GNA14: variants seen among roughly 807,000 people sequenced by gnomAD.
GNA14 encodes guanine nucleotide-binding protein subunit alpha-14.
In GNA14, 50 loss-of-function variants were observed where a neutral mutation model predicts 42.0. The ratio of observed to expected loss-of-function variants is 1.19; its 90% CI spans 0.95 to 1.51. The LOEUF is 1.51. Among genes scored for constraint, GNA14 ranks in the 40% most tolerant of loss-of-function variants. The pLI is 0.00. For synonymous variants in GNA14, 173 were observed against 163.1 expected (o/e 1.06, Z -0.46); for missense variants, 473 against 446.2 (o/e 1.06, Z -0.54).
chr9:77,568,882 G>A (rs1020903593), intron 1 of GNA14, among the ~76,000 whole-genome samples: 1 of 152,190 alleles, frequency 6.6e-6, no homozygotes, highest in Admixed American at 6.5e-5. Context: ...AGACAGTAAA[G>A]TCGCACTTCA....
intron 1 of GNA14, among the ~76,000 whole-genome samples, chr9:77,548,431 CA>C (rs1419649921): frequency 2.0e-5 from 3 of 152,132 alleles, no homozygotes; most frequent in Non-Finnish European, 2.9e-5. Flanking sequence ...TCACAGGTTC[CA>C]AATTCATCAC....
At chr9:77,455,298 A>T (rs913650175) in intron 2 of GNA14, among the ~76,000 whole-genome samples, 4 of 151,560 alleles carry the variant, frequency 2.6e-5, no homozygotes, top group African/African-American at 4.9e-5. Flanking sequence ...GCTAGCAGAG[A>T]CTCTCCTTGA....
In GNA14 at chr9:77,602,356, T is replaced by C. The variant is rs1351934098; in HGVS notation, c.124+45314A>G. Among the ~76,000 whole-genome samples, 3 of 152,198 alleles carry C rather than the reference T, an allele frequency of 2.0e-5. No individual in the cohort carries two copies. The East Asian group carries it at 5.8e-4, about 29-fold the overall frequency. The stretch of plus-strand genomic sequence containing the variant: ...CCAAGACGAACAAAACAAATAGTAA[T>C]AACTTGTTCACCATTTTCTGACCGC... On this transcript the variant is annotated intron_variant, in intron 1 of 6. Coordinates refer to ENST00000341700, the MANE Select transcript of GNA14 (RefSeq NM_004297.4).
intron 1 of GNA14, among the ~76,000 whole-genome samples, chr9:77,571,382 T>C (rs1181512565): frequency 6.6e-6 from 1 of 152,108 alleles, no homozygotes; most frequent in Non-Finnish European, 1.5e-5. Flanking sequence ...AAGAGGGTCT[T>C]ATTTGTAGTG....
intron 1 of GNA14, among the ~76,000 whole-genome samples, chr9:77,532,288 T>C (rs1305660323): frequency 6.6e-6 from 1 of 152,190 alleles, no homozygotes; most frequent in South Asian, 2.1e-4. Flanking sequence ...ACTGCTTATT[T>C]CCCCCAAGTA....
At chr9:77,577,055 AAC>A (rs1233149532) in intron 1 of GNA14, among the ~76,000 whole-genome samples, 1 of 152,194 alleles carries the variant, frequency 6.6e-6, no homozygotes, top group Non-Finnish European at 1.5e-5. Flanking sequence ...CACCCTTTGA[AAC>A]AGTTATACTC....
intron 1 of GNA14, among the ~76,000 whole-genome samples, chr9:77,536,231 A>C (rs908102684): frequency 2.0e-5 from 3 of 152,234 alleles, no homozygotes; most frequent in African/African-American, 7.2e-5. Flanking sequence ...TTTCAAAATA[A>C]AAAAGGAGAG....
intron 1 of GNA14, among the ~76,000 whole-genome samples, chr9:77,633,088 A>G (rs1824124431): frequency 6.6e-6 from 1 of 152,182 alleles, no homozygotes; most frequent in African/African-American, 2.4e-5. Context: ...TCATGTTACA[A>G]TAGTCTCTAC....
chr9:77,555,617 T>C (rs1348973382), intron 1 of GNA14, among the ~76,000 whole-genome samples: 1 of 152,150 alleles, frequency 6.6e-6, no homozygotes, highest in Non-Finnish European at 1.5e-5. Flanking sequence ...AGCAGATGAT[T>C]GTTGTGTTCT....
At chr9:77,567,791 C>T (rs1428717864) in intron 1 of GNA14, among the ~76,000 whole-genome samples, 4 of 152,150 alleles carry the variant, frequency 2.6e-5, no homozygotes, top group African/African-American at 9.7e-5. Flanking sequence ...CGCTTGAGCC[C>T]AGGAGGCGGA....
intron 1 of GNA14, among the ~76,000 whole-genome samples, chr9:77,643,521 G>A (rs1156620189): frequency 6.6e-6 from 1 of 152,144 alleles, no homozygotes; most frequent in East Asian, 1.9e-4. Flanking sequence ...TTACATGGGT[G>A]AGCCACCGCA....
intron 2 of GNA14, among the ~76,000 whole-genome samples, chr9:77,449,491 C>A (rs183806296): frequency 1.4e-4 from 21 of 152,280 alleles, no homozygotes; most frequent in African/African-American, 4.3e-4. Flanking sequence ...GGTTCAATAT[C>A]GTATTGTTTG....
intron 2 of GNA14, among the ~76,000 whole-genome samples, chr9:77,455,722 C>T (rs73654043): frequency 0.012 from 1,810 of 152,284 alleles, 41 homozygotes; most frequent in African/African-American, 0.041. Context: ...CCTTATGCTT[C>T]GCTGAGAGAC....
At chr9:77,486,845 G>A (rs988598653) in intron 2 of GNA14, among the ~76,000 whole-genome samples, 4 of 152,056 alleles carry the variant, frequency 2.6e-5, no homozygotes, top group Non-Finnish European at 5.9e-5. Context: ...ACATTAGGAA[G>A]ATAATAGATC....
intron 2 of GNA14, among the ~76,000 whole-genome samples, chr9:77,436,618 C>T (rs1222158580): frequency 6.6e-6 from 1 of 152,160 alleles, no homozygotes; most frequent in Non-Finnish European, 1.5e-5. Context: ...ATGTCCTCCC[C>T]TCCTCTCGCC....
intron 2 of GNA14, among the ~76,000 whole-genome samples, chr9:77,528,849 C>T (rs1314818663): frequency 6.6e-6 from 1 of 152,158 alleles, no homozygotes; most frequent in Non-Finnish European, 1.5e-5. Flanking sequence ...TTTGGAATCC[C>T]TGCACACTGG....
chr9:77,530,077 C>A (rs551626138), intron 1 of GNA14, among the ~76,000 whole-genome samples: 16 of 152,260 alleles, frequency 1.1e-4, no homozygotes, highest in Admixed American at 9.8e-4. Flanking sequence ...TCCTCACAAC[C>A]ACACACACTT....
rs574019123 is a variant in GNA14, at chr9:77,496,928, A to T, written c.309+32141T>A. ...CATTATCCTGCTTTGTCAGATAACA[A>T]CATTGAACAGTATTTGCTTTAGGTC... On this transcript the variant is annotated intron_variant, in intron 2 of 6. Transcript: ENST00000341700. 4.6e-5 allele frequency among the ~76,000 whole-genome samples: 7 copies of T among 152,334 alleles called. No homozygotes were observed. The South Asian group carries it at 1.2e-3, about 27-fold the overall frequency.
chr9:77,487,339 G>A (rs555148676), intron 2 of GNA14, among the ~76,000 whole-genome samples: 109 of 152,302 alleles, frequency 7.2e-4, no homozygotes, highest in African/African-American at 2.5e-3. Flanking sequence ...CCATGGAGAA[G>A]GGGAATTGCT....
Sources: allele counts gnomAD v4.1 joint callset (sites outside exome capture counted in the v4.1 genomes callset), GRCh38; gene constraint gnomAD v4.1.1; transcripts MANE v1.5; gene names NCBI Gene and HGNC (gene_info 2026-07-23, HGNC 2026-07-21).